The following ZNF536 variants were observed in gnomAD, a reference collection of about 807,000 sequenced individuals.
The protein encoded by ZNF536 is zinc finger protein 536.
Under a neutral mutation model 84.5 loss-of-function variants are expected in ZNF536, and 13 were observed. The ratio of observed to expected loss-of-function variants is 0.15; its 90% confidence interval spans 0.10 to 0.24. The LOEUF is 0.24. Among genes scored for constraint, ZNF536 ranks in the 10% least tolerant of loss-of-function variants. The pLI, the probability that ZNF536 is intolerant of heterozygous loss-of-function variation, is 1.00. For synonymous variants in ZNF536, 811 were observed against 742.5 expected (o/e 1.09, Z -1.50); for missense variants, 1,536 against 1,747.5 (o/e 0.88, Z 2.16).
chr19:30,698,151 A>T (rs2051740417), intron 1 of ZNF536, among the ~76,000 whole-genome samples: 1 of 152,062 alleles, frequency 6.6e-6, no homozygotes, highest in African/African-American at 2.4e-5. Context: ...AATTAGCTGG[A>T]CCCATTGGTG....
intron 2 of ZNF536, among the ~76,000 whole-genome samples, chr19:30,446,788 T>C (rs1198658742): frequency 2.7e-5 from 4 of 148,254 alleles, no homozygotes; most frequent in African/African-American, 1.0e-4. Flanking sequence ...TGAAGCTTCC[T>C]GGCCCAGTTT....
At chr19:30,270,804 T>C (rs983013700) in intron 1 of ZNF536, among the ~76,000 whole-genome samples, 1 of 151,610 alleles carries the variant, frequency 6.6e-6, no homozygotes, top group Non-Finnish European at 1.5e-5. Context: ...TGTGCTAGCA[T>C]ACGTAATTTT....
At chr19:30,376,531 G>A (rs1256536242) in intron 1 of ZNF536, among the ~76,000 whole-genome samples, 5 of 152,198 alleles carry the variant, frequency 3.3e-5, no homozygotes, top group South Asian at 2.1e-4. Context: ...TGGATACTCC[G>A]TGGGTCTGGG....
rs137913773 is a variant in ZNF536 at position 30,496,448 on chromosome 19, A to G, written c.2171-38399A>G. ...CTCCTGCCTGGGGACAAAGGAGGGC[A>G]TATCTAATGATCCTTCTACTTGTTT... On this transcript the variant is annotated intron_variant, in intron 2 of 4. Coordinates refer to ENST00000355537, the MANE Select transcript of ZNF536 (RefSeq NM_014717.3). Among the ~76,000 whole-genome samples the G allele has an allele frequency of 3.1e-4, 47 of 152,302 alleles. 1 individual carries two copies. The highest frequency in any genetic ancestry group is 1.1e-3 in the African/African-American group (46 of 41,566).
intron 3 of ZNF536, among the ~76,000 whole-genome samples, chr19:30,364,726 A>C (rs1391684469): frequency 6.6e-6 from 1 of 152,180 alleles, no homozygotes; most frequent in Admixed American, 6.5e-5. Context: ...AACTGTATAC[A>C]AGCAACTTGG....
intron 1 of ZNF536, among the ~76,000 whole-genome samples, chr19:30,392,673 C>A (rs1263833342): frequency 1.3e-5 from 2 of 152,136 alleles, no homozygotes; most frequent in Non-Finnish European, 2.9e-5. Flanking sequence ...AAATTAAGCT[C>A]CCAAACAAAG....
chr19:30,608,906 T>C (rs1308929976), intron 1 of ZNF536, among the ~76,000 whole-genome samples: 1 of 152,168 alleles, frequency 6.6e-6, no homozygotes, highest in Non-Finnish European at 1.5e-5. Context: ...AAAACTCTAG[T>C]GCAGTCCCTT....
chr19:30,304,949 G>A (rs1270663047), intron 2 of ZNF536, among the ~76,000 whole-genome samples: 1 of 152,228 alleles, frequency 6.6e-6, no homozygotes, highest in Admixed American at 6.5e-5. Flanking sequence ...AGGAGTGCCT[G>A]TTCTTAGGAG....
At chr19:30,594,163 G>A (rs542840877) in intron 1 of ZNF536, among the ~76,000 whole-genome samples, 1 of 152,356 alleles carries the variant, frequency 6.6e-6, no homozygotes, top group South Asian at 2.1e-4. Flanking sequence ...CAATCCTGGA[G>A]TGCGCAGAGT....
chr19:30,415,294 C>CTTG (rs1176694245), intron 1 of ZNF536, among the ~76,000 whole-genome samples: 19 of 142,726 alleles, frequency 1.3e-4, no homozygotes, highest in African/African-American at 4.9e-4. Context: ...CCTTCTTCTT[C>CTTG]TTCTTCTTCT....
chr19:30,444,367 G>T lies in ZNF536; in HGVS notation c.805G>T (p.Ala269Ser). The change falls in exon 2 of 5, where the codon GCC (alanine) becomes TCC (serine). Residue 269 changes from alanine to serine, a missense_variant. Around this residue, in one of 8 missense-constraint regions of ZNF536, gnomAD observed 138 missense variants for 136.8 expected, o/e 1.01. Coordinates refer to ENST00000355537, the MANE Select transcript of ZNF536 (RefSeq NM_014717.3). ...TGCCAGCGTGCAGGAGGACGCGGTGGCCCCGGCGGCGGGCTTCCGCTGTAC... is the reference window on the plus strand; with the variant it reads ...TGCCAGCGTGCAGGAGGACGCGGTGTCCCCGGCGGCGGGCTTCCGCTGTAC... The part of the protein sequence containing the change: ...KPASVQEDAV[A>S]PAAGFRCTFC... The T allele has an allele frequency of 3.1e-6, 5 of 1,602,750 alleles. No individual in the cohort carries two copies. The highest frequency in any genetic ancestry group is 3.4e-6 in the Non-Finnish European group (4 of 1,179,270).
intron 1 of ZNF536, among the ~76,000 whole-genome samples, chr19:30,403,332 G>A (rs117693344): frequency 0.031 from 4,780 of 152,220 alleles, 111 homozygotes; most frequent in Middle Eastern, 0.13. Context: ...AGACAAGGCA[G>A]GCCTTTGAAA....
chr19:30,401,639 G>A (rs187866457), intron 1 of ZNF536, among the ~76,000 whole-genome samples: 5 of 152,324 alleles, frequency 3.3e-5, no homozygotes, highest in South Asian at 2.1e-4. Flanking sequence ...GGTAAAAACC[G>A]TAAGTAAACA....
chr19:30,394,095 A>G (rs1331880105), intron 1 of ZNF536, among the ~76,000 whole-genome samples: 1 of 152,170 alleles, frequency 6.6e-6, no homozygotes, highest in Non-Finnish European at 1.5e-5. Context: ...TCTCTATCAG[A>G]TCAGTGAGCA....
intron 2 of ZNF536, among the ~76,000 whole-genome samples, chr19:30,446,938 A>G (rs1421311868): frequency 3.9e-5 from 6 of 152,200 alleles, no homozygotes; most frequent in African/African-American, 1.4e-4. Context: ...ACTAATGGAT[A>G]GTAAATTGAA....
At position 30,399,772 on chromosome 19, in the gene ZNF536, C is replaced by T. The variant is rs550938051; in HGVS notation, c.-3+27216C>T. On this transcript the variant is annotated intron_variant, in intron 1 of 4. Coordinates refer to ENST00000355537, the MANE Select transcript of ZNF536 (RefSeq NM_014717.3). ...GTGTGATCTTGGCACACTGCAATCT[C>T]CGCCTCCCGGGTTCAAGCGATTCTC... 1.6e-4 allele frequency among the ~76,000 whole-genome samples: 24 copies of T among 150,424 alleles called. No homozygotes were observed. In the East Asian group the frequency reaches 4.4e-3, roughly 27 times the overall value.
chr19:30,609,093 T>A (rs1007964153), intron 1 of ZNF536, among the ~76,000 whole-genome samples: 1 of 152,242 alleles, frequency 6.6e-6, no homozygotes, highest in Non-Finnish European at 1.5e-5. Context: ...TTCTAGACTA[T>A]CATTGCATTT....
chr19:30,634,189 T>C (rs573445462), intron 1 of ZNF536, among the ~76,000 whole-genome samples: 2 of 152,268 alleles, frequency 1.3e-5, no homozygotes, highest in African/African-American at 4.8e-5. Context: ...CAAGGTCCCA[T>C]TGGCTTAAGG....
intron 1 of ZNF536, among the ~76,000 whole-genome samples, chr19:30,589,955 C>T (rs1158544453): frequency 6.6e-6 from 1 of 152,170 alleles, no homozygotes; most frequent in Non-Finnish European, 1.5e-5. Context: ...ACACTTCTAG[C>T]ATCTATCCCC....
Sources: allele counts gnomAD v4.1 joint callset (sites outside exome capture counted in the v4.1 genomes callset), GRCh38; gene constraint gnomAD v4.1.1; regional missense constraint gnomAD v4.1.1; transcripts MANE v1.5; gene names NCBI Gene and HGNC (gene_info 2026-07-23, HGNC 2026-07-21).